Variants in XKR9 observed in about 807,000 individuals in gnomAD.
The protein encoded by XKR9 is XK related 9.
Under a neutral mutation model 32.0 loss-of-function variants are expected in XKR9, and 32 were observed. That is an observed-to-expected ratio of 1.00 (90% CI 0.76 to 1.34). XKR9 has a LOEUF of 1.34. XKR9 is among the 40% of genes most tolerant of loss of function. The pLI is 0.00. For synonymous variants in XKR9, 168 were observed against 143.4 expected (o/e 1.17, Z -1.22); for missense variants, 546 against 429.7 (o/e 1.27, Z -2.39).
chr8:70,707,014 T>C lies in XKR9; in HGVS notation c.354T>C (p.Ile118=), dbSNP rs762959831. 6.2e-7 allele frequency: 1 copy of C among 1,613,414 alleles called. No homozygotes were observed. Among genetic ancestry groups the C allele is most frequent in the Non-Finnish European group, 8.5e-7 (1 of 1,179,482 alleles). ...SNTSNFVEEQ[I]DLHKEVIDRV... The stretch of plus-strand genomic sequence containing the variant: ...CTAGTAACTTCGTGGAAGAACAAAT[T>C]GATCTACATAAAGAAGTTATAGATA... Residue 118 remains isoleucine (I), a synonymous_variant, in exon 4 of 5, where the codon ATT becomes ATC. Transcript: ENST00000408926.
At chr8:70,709,272 A>G (rs1805826185) in intron 4 of XKR9, among the ~76,000 whole-genome samples, 2 of 152,186 alleles carry the variant, frequency 1.3e-5, no homozygotes. Context: ...TCAACAAACT[A>G]GGCATCAAAG....
chr8:70,765,091 C>T (rs183835961), intron 2 of XKR9, among the ~76,000 whole-genome samples: 9 of 152,216 alleles, frequency 5.9e-5, no homozygotes, highest in Non-Finnish European at 8.8e-5. Flanking sequence ...GATTTATAAT[C>T]CTTTGGGAAT....
intron 1 of XKR9, among the ~76,000 whole-genome samples, chr8:70,672,941 C>G (rs1818763816): frequency 6.6e-6 from 1 of 151,978 alleles, no homozygotes; most frequent in Non-Finnish European, 1.5e-5. Flanking sequence ...AGTTTGAGTT[C>G]CTTGTATGTT....
At position 70,735,918 on chromosome 8, in the gene XKR9, A is replaced by C. The variant is rs1339156444; in HGVS notation, c.*1494A>C. On this transcript the variant is annotated 3_prime_UTR_variant, in exon 5 of 5. Transcript: ENST00000408926. The stretch of plus-strand genomic sequence containing the variant: ...TTGCTATTGTGAATAGTGCTGCAAT[A>C]AACATACGTGTGCATGTGTCTTTAT... 5 of 151,980 alleles carry C rather than the reference A, an allele frequency of 3.3e-5. No individual in the cohort carries two copies. Among genetic ancestry groups the C allele is most frequent in the Non-Finnish European group, 7.4e-5 (5 of 67,986 alleles). 9.4% of individuals were successfully genotyped at this position (151,980 alleles called of 1,614,324 possible).
intron 3 of XKR9, among the ~76,000 whole-genome samples, chr8:70,688,024 G>A (rs575702943): frequency 2.6e-5 from 4 of 152,156 alleles, no homozygotes; most frequent in Non-Finnish European, 5.9e-5. Flanking sequence ...TAAGTGTTGG[G>A]GAAACTGGGT....
the XKR9 span, among the ~76,000 whole-genome samples, chr8:71,022,071 C>T: frequency 6.6e-6 from 1 of 152,186 alleles, no homozygotes; most frequent in Non-Finnish European, 1.5e-5. Context: ...GCTATCCCAG[C>T]ACAATTTATT....
intron 2 of XKR9, among the ~76,000 whole-genome samples, chr8:70,756,389 C>G (rs372601989): frequency 2.0e-5 from 3 of 152,166 alleles, no homozygotes; most frequent in African/African-American, 7.2e-5. Flanking sequence ...CAGCTTGTCA[C>G]TTTCTACAGA....
chr8:70,894,778 G>A, the XKR9 span, among the ~76,000 whole-genome samples: 3 of 151,988 alleles, frequency 2.0e-5, no homozygotes, highest in African/African-American at 4.8e-5. Context: ...TTCAACTTGG[G>A]TAGGTGAAAC....
chr8:71,063,162 A>T, the XKR9 span, among the ~76,000 whole-genome samples: 141 of 152,314 alleles, frequency 9.3e-4, no homozygotes, highest in African/African-American at 3.3e-3. Flanking sequence ...TAATAAATTT[A>T]TTGTGATAAC....
the XKR9 span, among the ~76,000 whole-genome samples, chr8:71,032,721 T>C: frequency 6.6e-6 from 1 of 152,318 alleles, no homozygotes; most frequent in East Asian, 1.9e-4. Context: ...GCACTTCATA[T>C]GAAAGTGCTT....
At chr8:70,861,587 T>C in the XKR9 span, among the ~76,000 whole-genome samples, 5 of 151,798 alleles carry the variant, frequency 3.3e-5, no homozygotes, top group Non-Finnish European at 7.4e-5. Context: ...GGCCAGGAGT[T>C]CAGGGCTGCA....
the XKR9 span, among the ~76,000 whole-genome samples, chr8:71,011,549 T>G: frequency 6.6e-6 from 1 of 152,234 alleles, no homozygotes; most frequent in African/African-American, 2.4e-5. Context: ...AGCATAAAGT[T>G]TAACTGCTTG....
chr8:70,721,840 C>A (rs958186885), intron 4 of XKR9, among the ~76,000 whole-genome samples: 1 of 152,124 alleles, frequency 6.6e-6, no homozygotes, highest in South Asian at 2.1e-4. Flanking sequence ...GAGCTGAGTT[C>A]AAGTCCTGAA....
At chr8:70,855,344 T>C in the XKR9 span, among the ~76,000 whole-genome samples, 152 of 152,186 alleles carry the variant, frequency 1.0e-3, 2 homozygotes, top group African/African-American at 3.4e-3. Context: ...CAAGCCTCAG[T>C]AGCCGATTCA....
chr8:71,009,656 TG>T, the XKR9 span, among the ~76,000 whole-genome samples: 15 of 152,174 alleles, frequency 9.9e-5, no homozygotes, highest in Non-Finnish European at 1.2e-4. Flanking sequence ...GCTGAGGGGA[TG>T]GGGAAGAAGA....
At chr8:70,967,114 G>T in the XKR9 span, among the ~76,000 whole-genome samples, 1 of 137,596 alleles carries the variant, frequency 7.3e-6, no homozygotes, top group South Asian at 2.2e-4. Flanking sequence ...CCAGGCTGGA[G>T]TGCAGTGGTG....
chr8:70,996,178 T>C, the XKR9 span, among the ~76,000 whole-genome samples: 1 of 152,220 alleles, frequency 6.6e-6, no homozygotes, highest in Non-Finnish European at 1.5e-5. Flanking sequence ...GACAAGCACA[T>C]GCAGAACAGT....
chr8:70,953,995 C>T, the XKR9 span, among the ~76,000 whole-genome samples: 5 of 151,722 alleles, frequency 3.3e-5, no homozygotes, highest in Admixed American at 2.6e-4. Context: ...GGGAAAGAGT[C>T]GTAGCAACTG....
chr8:70,932,413 C>T, the XKR9 span, among the ~76,000 whole-genome samples: 3 of 151,972 alleles, frequency 2.0e-5, no homozygotes, highest in Non-Finnish European at 4.4e-5. Context: ...CTTTGATAAC[C>T]ACTAGTCTAG....
Sources: allele counts gnomAD v4.1 joint callset (sites outside exome capture counted in the v4.1 genomes callset), GRCh38; gene constraint gnomAD v4.1.1; transcripts MANE v1.5; gene names NCBI Gene and HGNC (gene_info 2026-07-23, HGNC 2026-07-21).